The following ADAMTSL1 variants were observed in gnomAD, a reference collection of about 807,000 sequenced individuals.
The protein encoded by ADAMTSL1 is ADAMTS-like protein 1.
A neutral mutation model predicts 201.8 loss-of-function variants in ADAMTSL1; 126 were observed. The observed-to-expected ratio is 0.62, with a 90% confidence interval of 0.54 to 0.72. The LOEUF (loss-of-function observed/expected upper bound fraction) is 0.72. ADAMTSL1 is among the 30% of genes least tolerant of loss of function. ADAMTSL1 has a pLI of 0.00. For missense variants in ADAMTSL1, 2,679 were observed against 2,277.8 expected (o/e 1.18, Z -3.59); for synonymous variants, 1,121 against 903.4 (o/e 1.24, Z -4.32).
chr9:18,520,201 A>T (rs1318483781), intron 2 of ADAMTSL1, among the ~76,000 whole-genome samples: 1 of 152,228 alleles, frequency 6.6e-6, no homozygotes, highest in Non-Finnish European at 1.5e-5. Flanking sequence ...GTTGCTCAAA[A>T]ATCTGTAAAA....
chr9:18,729,227 C>T (rs370833933), intron 15 of ADAMTSL1, among the ~76,000 whole-genome samples: 17 of 152,266 alleles, frequency 1.1e-4, no homozygotes, highest in South Asian at 8.3e-4. Context: ...TGATCCCTGG[C>T]GGCCTTTCCA....
intron 2 of ADAMTSL1, among the ~76,000 whole-genome samples, chr9:18,418,775 G>A (rs1199927343): frequency 6.6e-6 from 1 of 152,044 alleles, no homozygotes; most frequent in Non-Finnish European, 1.5e-5. Context: ...CCCACAAATT[G>A]GTCTATAGAT....
chr9:18,547,267 G>A (rs1820522585), intron 3 of ADAMTSL1, among the ~76,000 whole-genome samples: 1 of 152,178 alleles, frequency 6.6e-6, no homozygotes, highest in Non-Finnish European at 1.5e-5. Flanking sequence ...CAACAGAAGA[G>A]CTCAGAGGAC....
At chr9:18,893,021 G>A (rs1361525326) in intron 26 of ADAMTSL1, among the ~76,000 whole-genome samples, 1 of 151,208 alleles carries the variant, frequency 6.6e-6, no homozygotes, top group Non-Finnish European at 1.5e-5. Context: ...AGCCATTTGT[G>A]TCCCAGGTAA....
intron 2 of ADAMTSL1, among the ~76,000 whole-genome samples, chr9:18,381,098 A>G (rs554484769): frequency 9.2e-5 from 14 of 152,200 alleles, no homozygotes; most frequent in Non-Finnish European, 1.6e-4. Flanking sequence ...AATGAAATGC[A>G]CTTGAATGGG....
chr9:18,838,882 T>G (rs9644817), intron 23 of ADAMTSL1, among the ~76,000 whole-genome samples: 2 of 143,054 alleles, frequency 1.4e-5, no homozygotes, highest in Non-Finnish European at 3.0e-5. Context: ...CTCTTTTTTT[T>G]AAAAAAAAAA....
At chr9:18,052,409 T>G (rs1033514784) in intron 1 of ADAMTSL1, among the ~76,000 whole-genome samples, 1 of 152,098 alleles carries the variant, frequency 6.6e-6, no homozygotes, top group South Asian at 2.1e-4. Flanking sequence ...CCTTAAAGAA[T>G]GAGTAAGAGT....
chr9:18,533,413 A>C, intron 3 of ADAMTSL1, 121 bp downstream of exon 3: 1 of 665,358 alleles, frequency 1.5e-6, no homozygotes, highest in Non-Finnish European at 2.4e-6. Flanking sequence ...TTTTTATCTC[A>C]TACTGTACTG....
chr9:18,739,630 C>A (rs140716133), intron 15 of ADAMTSL1, among the ~76,000 whole-genome samples: 112 of 152,284 alleles, frequency 7.4e-4, no homozygotes, highest in African/African-American at 2.5e-3. Flanking sequence ...GATCTTTGAA[C>A]CTAACTTGAA....
At chr9:18,326,860 C>T (rs1422505343) in intron 2 of ADAMTSL1, among the ~76,000 whole-genome samples, 1 of 152,120 alleles carries the variant, frequency 6.6e-6, no homozygotes, top group African/African-American at 2.4e-5. Flanking sequence ...GGCTACTTGC[C>T]ATTATTTAAG....
At chr9:18,192,472 A>G (rs1489387632) in intron 2 of ADAMTSL1, among the ~76,000 whole-genome samples, 1 of 152,112 alleles carries the variant, frequency 6.6e-6, no homozygotes, top group Non-Finnish European at 1.5e-5. Flanking sequence ...GTCCTACCAT[A>G]TGTGTCTAAT....
At chr9:18,611,699 A>G (rs543623050) in intron 4 of ADAMTSL1, among the ~76,000 whole-genome samples, 146 of 152,336 alleles carry the variant, frequency 9.6e-4, no homozygotes, top group Non-Finnish European at 1.4e-3. Flanking sequence ...CTTGACTTCA[A>G]GAAAGGCAAT....
chr9:18,881,658 G>T (rs1588298134), intron 23 of ADAMTSL1, among the ~76,000 whole-genome samples: 6 of 152,194 alleles, frequency 3.9e-5, no homozygotes, highest in Admixed American at 3.9e-4. Flanking sequence ...TGCACACACT[G>T]TTAGAAAATC....
intron 2 of ADAMTSL1, among the ~76,000 whole-genome samples, chr9:18,225,023 T>G (rs1020379792): frequency 6.6e-6 from 1 of 152,166 alleles, no homozygotes; most frequent in African/African-American, 2.4e-5. Flanking sequence ...AAAACTGTTC[T>G]TGTAAACTAC....
chr9:18,177,434 C>G (rs946638331), intron 2 of ADAMTSL1, among the ~76,000 whole-genome samples: 25 of 152,144 alleles, frequency 1.6e-4, no homozygotes, highest in Non-Finnish European at 2.4e-4. Flanking sequence ...TTAAGTCCAC[C>G]GTATGTGCCT....
intron 2 of ADAMTSL1, among the ~76,000 whole-genome samples, chr9:18,337,959 G>T (rs530579124): frequency 1.5e-3 from 226 of 152,218 alleles, no homozygotes; most frequent in African/African-American, 5.2e-3. Context: ...GCGTGGGGGT[G>T]GTCAAGCCCG....
chr9:18,821,447 C>CT (rs1457601437), intron 21 of ADAMTSL1, among the ~76,000 whole-genome samples: 2 of 152,116 alleles, frequency 1.3e-5, no homozygotes, highest in African/African-American at 4.8e-5. Flanking sequence ...GTTGAGAAGG[C>CT]TTTTAAGGGC....
chr9:18,178,179 C>T (rs868169146), intron 2 of ADAMTSL1, among the ~76,000 whole-genome samples: 29 of 152,244 alleles, frequency 1.9e-4, no homozygotes, highest in Non-Finnish European at 3.2e-4. Context: ...GCACTGTGCG[C>T]GAGCCGAAGC....
intron 2 of ADAMTSL1, among the ~76,000 whole-genome samples, chr9:18,201,529 C>T (rs1200104296): frequency 6.6e-6 from 1 of 151,982 alleles, no homozygotes; most frequent in East Asian, 1.9e-4. Flanking sequence ...TTCTGTGCCC[C>T]ACCTTCCCTA....
Sources: allele counts gnomAD v4.1 joint callset (sites outside exome capture counted in the v4.1 genomes callset), GRCh38; gene constraint gnomAD v4.1.1; transcripts MANE v1.5; gene names NCBI Gene and HGNC (gene_info 2026-07-23, HGNC 2026-07-21).